The following VDAC3 variants were observed in gnomAD, a reference collection of about 807,000 sequenced individuals.
VDAC3 encodes non-selective voltage-gated ion channel VDAC3.
A neutral mutation model predicts 33.9 loss-of-function variants in VDAC3; 7 were observed. The observed-to-expected ratio is 0.21, with a 90% CI of 0.12 to 0.39. The LOEUF (loss-of-function observed/expected upper bound fraction) is 0.39, where lower values mean the gene tolerates loss of function less well. Among genes scored for constraint, VDAC3 ranks in the 10% least tolerant of loss-of-function variants. The pLI, the probability that VDAC3 is intolerant of heterozygous loss-of-function variation, is 1.00. For missense variants in VDAC3, 261 were observed against 334.5 expected (o/e 0.78, Z 1.71); for synonymous variants, 100 against 122.4 (o/e 0.82, Z 1.21).
intron 6 of VDAC3, among the ~76,000 whole-genome samples, chr8:42,400,468 T>G (rs911819380): frequency 6.6e-6 from 1 of 152,046 alleles, no homozygotes; most frequent in Non-Finnish European, 1.5e-5. Context: ...TTTCTTAGCC[T>G]CTGTAAATCC....
rs759587605 is a variant in VDAC3, at chr8:42,394,229, G to C, written c.18G>C (p.Thr6=). 1.2e-6 allele frequency: 2 copies of C among 1,613,638 alleles called. No individual in the cohort carries two copies. The highest frequency in any genetic ancestry group is 2.2e-5 in the East Asian group (1 of 44,822). MCNTP[T]YCDLGKAAKD... is the part of the protein sequence containing the mutation. ...TATAAGATATGTGTAACACACCAAC[G>C]TACTGTGACCTAGGAAAGGCTGCTA... Residue 6 remains threonine (T), a synonymous_variant, in exon 3 of 10, where the codon ACG becomes ACC. Coordinates refer to ENST00000022615, the MANE Select transcript of VDAC3 (RefSeq NM_005662.7).
intron 7 of VDAC3, 148 bp downstream of exon 7, chr8:42,402,163 C>T (rs1477917315): frequency 5.6e-6 from 5 of 891,646 alleles, no homozygotes; most frequent in Non-Finnish European, 6.8e-6. Context: ...AAAACCTTGC[C>T]AGGAGGCTGG....
chr8:42,399,764 A>T, intron 6 of VDAC3, 61 bp downstream of exon 6: 1 of 1,497,924 alleles, frequency 6.7e-7, no homozygotes, highest in Non-Finnish European at 9.3e-7. Context: ...AGAGAGCTTT[A>T]GAATAAGGAG....
At chr8:42,396,802 CAT>C in intron 4 of VDAC3, 1 of 625,594 alleles carries the variant, frequency 1.6e-6, no homozygotes, top group South Asian at 1.9e-5. Flanking sequence ...ATATTTTTCT[CAT>C]ATGCTATCTA....
chr8:42,397,807 G>A (rs1307586854), intron 4 of VDAC3, among the ~76,000 whole-genome samples: 1 of 152,146 alleles, frequency 6.6e-6, no homozygotes, highest in Non-Finnish European at 1.5e-5. Flanking sequence ...TTCAAATATT[G>A]AAATTGTCTA....
chr8:42,399,771 G>A, intron 6 of VDAC3, 68 bp downstream of exon 6: 3 of 1,467,904 alleles, frequency 2.0e-6, no homozygotes, highest in Non-Finnish European at 2.8e-6. Context: ...TTTAGAATAA[G>A]GAGATATAGT....
Position 42,405,031 on chromosome 8 carries a change from A to G in VDAC3, c.760+107A>G. On this transcript the variant is annotated intron_variant, in intron 9 of 9. Coordinates refer to ENST00000022615, the MANE Select transcript of VDAC3 (RefSeq NM_005662.7). The stretch of plus-strand genomic sequence containing the variant: ...TAGTCACTGTAAGTTGATTTGGACC[A>G]TTTTGTAACATTTGGTTGTTCAGAC... 4 of 982,212 alleles carry G rather than the reference A, an allele frequency of 4.1e-6. 1 individual carries two copies. The highest frequency in any genetic ancestry group is 2.3e-5 in the Admixed American group (1 of 43,032). 60.8% of individuals were successfully genotyped at this position (982,212 alleles called of 1,614,324 possible). A position where few individuals can be genotyped will look rare whatever the true frequency, so the allele number is the denominator to read the frequency against.
Position 42,405,484 on chromosome 8 carries a change from G to T in VDAC3, c.*22G>T. ...TTAATGTGGTTTGAGGAAAGCATCAGATTTGTCCCTGGAAGTGAAGAGAAA... is the reference window on the plus strand; with the variant it reads ...TTAATGTGGTTTGAGGAAAGCATCATATTTGTCCCTGGAAGTGAAGAGAAA... On this transcript the variant is annotated 3_prime_UTR_variant, in exon 10 of 10. Coordinates refer to ENST00000022615, the MANE Select transcript of VDAC3 (RefSeq NM_005662.7). The T allele has an allele frequency of 6.3e-7, 1 of 1,599,388 alleles. No individual in the cohort carries two copies.
At chr8:42,403,934 C>A (rs1182756840) in intron 8 of VDAC3, among the ~76,000 whole-genome samples, 1 of 150,986 alleles carries the variant, frequency 6.6e-6, no homozygotes, top group Non-Finnish European at 1.5e-5. Flanking sequence ...TTCTTCTAGT[C>A]CTAGCTCTTC....
chr8:42,391,956 C>T (rs1016657576), intron 1 of VDAC3, 28 bp downstream of exon 1: 3 of 152,496 alleles, frequency 2.0e-5, no homozygotes, highest in Admixed American at 2.0e-4. Context: ...CGCGCGGGCT[C>T]CAGTCCCGGA....
intron 8 of VDAC3, among the ~76,000 whole-genome samples, chr8:42,404,365 C>T (rs1802465795): frequency 6.6e-6 from 1 of 152,140 alleles, no homozygotes; most frequent in African/African-American, 2.4e-5. Flanking sequence ...AAAAATTTTG[C>T]TTGAGGCCTT....
chr8:42,403,302 T>C lies in VDAC3; in HGVS notation c.552-9T>C. The C allele has an allele frequency of 6.2e-7, 1 of 1,613,762 alleles. No homozygotes were observed. The highest frequency in any genetic ancestry group is 8.5e-7 in the Non-Finnish European group (1 of 1,179,928). ...GATATTTATGACGTTTTCTTATCTATGAAAACAGGAACGATGGCACTGAAT... is the reference window on the plus strand; with the variant it reads ...GATATTTATGACGTTTTCTTATCTACGAAAACAGGAACGATGGCACTGAAT... On this transcript the variant is annotated splice_polypyrimidine_tract_variant and intron_variant, in intron 7 of 9. Transcript: ENST00000022615.
intron 8 of VDAC3, among the ~76,000 whole-genome samples, chr8:42,404,628 A>G (rs761354135): frequency 7.3e-5 from 11 of 151,548 alleles, no homozygotes; most frequent in Non-Finnish European, 1.5e-4. Flanking sequence ...AGGCTGAGGC[A>G]GGAGAATGGC....
chr8:42,394,165 AC>A (rs1802257199), intron 2 of VDAC3, 44 bp from the exon 3 acceptor site: 1 of 1,553,452 alleles, frequency 6.4e-7, no homozygotes, highest in East Asian at 2.2e-5. Flanking sequence ...GTGAATAAAT[AC>A]TAAATGGTTA....
chr8:42,404,013 A>G (rs1802461140), intron 8 of VDAC3, among the ~76,000 whole-genome samples: 1 of 152,080 alleles, frequency 6.6e-6, no homozygotes, highest in African/African-American at 2.4e-5. Context: ...TTGGAAATTC[A>G]TGGGATTAGA....
intron 4 of VDAC3, among the ~76,000 whole-genome samples, chr8:42,395,913 C>G (rs1200199854): frequency 6.8e-6 from 1 of 146,980 alleles, no homozygotes; most frequent in African/African-American, 2.5e-5. Context: ...GAGCCGAGAC[C>G]AAGCCATTGC....
chr8:42,392,127 G>A (rs1354440783), intron 1 of VDAC3, among the ~76,000 whole-genome samples, 199 bp downstream of exon 1: 2 of 152,188 alleles, frequency 1.3e-5, no homozygotes, highest in Non-Finnish European at 2.9e-5. Context: ...AGCACGGCGG[G>A]GCAAGTGGCC....
chr8:42,397,688 T>A (rs775505205), intron 4 of VDAC3: 1 of 152,188 alleles, frequency 6.6e-6, no homozygotes, highest in Non-Finnish European at 1.5e-5. Context: ...CAGAGTCTCA[T>A]TCATAGTAAC....
Position 42,394,292 on chromosome 8 carries a change from T to G in VDAC3, c.67+14T>G. 2.5e-6 allele frequency: 4 copies of G among 1,610,640 alleles called. No homozygotes were observed. The highest frequency in any genetic ancestry group is 3.4e-6 in the Non-Finnish European group (4 of 1,177,712). Reference sequence around the variant, plus strand: ...ACAAAGGATATGGTAAGTATGCTATTGTAACTTTCCAGTTTGGGGTAAAGG... The same window carrying G: ...ACAAAGGATATGGTAAGTATGCTATGGTAACTTTCCAGTTTGGGGTAAAGG... On this transcript the variant is annotated intron_variant, in intron 3 of 9. Coordinates refer to ENST00000022615, the MANE Select transcript of VDAC3 (RefSeq NM_005662.7).
Sources: gnomAD v4.1 joint callset for allele counts (sites outside exome capture counted in the v4.1 genomes callset) on GRCh38, gnomAD v4.1.1 for gene constraint, MANE v1.5 for transcripts, NCBI Gene and HGNC (gene_info 2026-07-23, HGNC 2026-07-21) for gene names.